CCDC93: variants seen among roughly 807,000 people sequenced by gnomAD.
CCDC93 encodes CCC complex scaffolding subunit CCDC93, also known as coiled-coil domain-containing protein 93.
In CCDC93, 61 loss-of-function variants were observed where a neutral mutation model predicts 108.2. The ratio of observed to expected loss-of-function variants is 0.56; its 90% CI spans 0.46 to 0.70. The LOEUF (loss-of-function observed/expected upper bound fraction) is 0.70, where lower values mean the gene tolerates loss of function less well. Among genes scored for constraint, CCDC93 ranks in the 30% least tolerant of loss-of-function variants. The pLI is 0.00. For synonymous variants in CCDC93, 276 were observed against 260.4 expected (o/e 1.06, Z -0.58); for missense variants, 685 against 764.2 (o/e 0.90, Z 1.22).
chr2:117,986,892 T>C (rs1023354691), intron 6 of CCDC93, among the ~76,000 whole-genome samples: 8 of 152,122 alleles, frequency 5.3e-5, no homozygotes, highest in African/African-American at 1.9e-4. Flanking sequence ...ATGCAAAATA[T>C]AATCAACCTA....
intron 7 of CCDC93, among the ~76,000 whole-genome samples, chr2:117,980,256 A>G (rs1680076625): frequency 6.6e-6 from 1 of 152,210 alleles, no homozygotes; most frequent in South Asian, 2.1e-4. Context: ...TGCTGAAACT[A>G]GTGGGAGGGT....
chr2:117,984,571 T>G (rs1386211459), intron 7 of CCDC93, among the ~76,000 whole-genome samples: 1 of 152,192 alleles, frequency 6.6e-6, no homozygotes, highest in Non-Finnish European at 1.5e-5. Context: ...TCTGTCAACA[T>G]GGTCTCAGCG....
At chr2:117,974,264 T>C (rs970346900) in intron 10 of CCDC93, among the ~76,000 whole-genome samples, 2 of 152,084 alleles carry the variant, frequency 1.3e-5, no homozygotes, top group African/African-American at 4.8e-5. Context: ...TTCCCTTCTA[T>C]GTACCACCCC....
chr2:117,939,000 A>G, intron 20 of CCDC93, 29 bp downstream of exon 20: 3 of 1,236,152 alleles, frequency 2.4e-6, no homozygotes, highest in Non-Finnish European at 2.4e-6. Flanking sequence ...TTAGCTGCTT[A>G]GCCATTTTCT....
Position 117,973,956 on chromosome 2 carries a change from T to A in CCDC93, c.840A>T (p.Gly280=), listed in dbSNP as rs556837097. The A allele has an allele frequency of 6.2e-7, 1 of 1,612,344 alleles. No homozygotes were observed. The highest frequency in any genetic ancestry group is 8.5e-7 in the Non-Finnish European group (1 of 1,179,306). The part of the protein sequence containing the change: ...LTASSVGQIV[G]LCSAEIKQIV... ...TCTGCTTGATCTCAGCAGAGCAGAG[T>A]CCCACAATCTGGCCCACGGAGCTTG... Residue 280 remains glycine, a synonymous_variant, in exon 11 of 24, where the codon GGA becomes GGT. Transcript: ENST00000376300.
intron 11 of CCDC93, among the ~76,000 whole-genome samples, chr2:117,964,703 ATCC>A (rs1418344621): frequency 1.3e-5 from 2 of 152,080 alleles, no homozygotes; most frequent in Non-Finnish European, 2.9e-5. Flanking sequence ...AGCTCAAGCA[ATCC>A]TCCTGCCTCT....
intron 6 of CCDC93, among the ~76,000 whole-genome samples, chr2:117,993,050 C>T (rs1366036612): frequency 3.3e-5 from 5 of 152,118 alleles, no homozygotes; most frequent in Admixed American, 6.5e-5. Flanking sequence ...ATTCTCTACC[C>T]AGGGCTCAGA....
At chr2:117,997,042 T>A (rs1007876050) in intron 4 of CCDC93, 1 of 152,198 alleles carries the variant, frequency 6.6e-6, no homozygotes, top group Non-Finnish European at 1.5e-5. Flanking sequence ...TACTCATGGA[T>A]CCATAGCTAG....
chr2:118,012,492 A>C (rs929313569), intron 1 of CCDC93: 5 of 152,176 alleles, frequency 3.3e-5, no homozygotes, highest in African/African-American at 1.2e-4. Flanking sequence ...TTTTCCCCCC[A>C]GAAAGACCTC....
chr2:117,958,549 C>T (rs1679290532), intron 11 of CCDC93, 68 bp from the exon 12 acceptor site: 1 of 939,478 alleles, frequency 1.1e-6, no homozygotes, highest in African/African-American at 1.6e-5. Context: ...TAATCAAGCC[C>T]TGTTCAATGT....
In CCDC93 at chr2:117,916,063, A is replaced by G. The variant is rs1405418800; in HGVS notation, c.*4280T>C. The G allele has an allele frequency of 6.6e-6, 1 of 152,246 alleles. No homozygotes were observed. Among genetic ancestry groups the G allele is most frequent in the Non-Finnish European group, 1.5e-5 (1 of 68,044 alleles). 9.4% of individuals were successfully genotyped at this position (152,246 alleles called of 1,614,324 possible). A position where few individuals can be genotyped will look rare whatever the true frequency, so the allele number is the denominator to read the frequency against. Reference sequence around the variant, plus strand: ...GTACACAGGTACAATTCTTAGGAGTAGCATTGCTAGTTCAAAGAGCTTATG... The same window carrying G: ...GTACACAGGTACAATTCTTAGGAGTGGCATTGCTAGTTCAAAGAGCTTATG... On this transcript the variant is annotated 3_prime_UTR_variant, in exon 24 of 24. Coordinates refer to ENST00000376300, the MANE Select transcript of CCDC93 (RefSeq NM_019044.5).
intron 11 of CCDC93, among the ~76,000 whole-genome samples, chr2:117,969,034 G>A (rs1020668828): frequency 6.6e-6 from 1 of 152,224 alleles, no homozygotes; most frequent in Non-Finnish European, 1.5e-5. Context: ...ACCTGCTGAT[G>A]TTCACACCTG....
chr2:117,985,464 A>G (rs1409814870), intron 7 of CCDC93: 2 of 967,710 alleles, frequency 2.1e-6, no homozygotes, highest in African/African-American at 1.8e-5. Context: ...AAAAAATTCA[A>G]TGGGGAGAAG....
chr2:118,006,944 G>C (rs1676887477), intron 2 of CCDC93, 128 bp from the exon 3 acceptor site: 1 of 629,162 alleles, frequency 1.6e-6, no homozygotes, highest in African/African-American at 1.8e-5. Context: ...TATCTTGAGA[G>C]AGAGAGTGTG....
rs896391427 is a variant in CCDC93, at chr2:117,915,717, G to A, written c.*4626C>T. Reference sequence around the variant, plus strand: ...CCGGGCTGCTAGATATCCTCCCAGAGACATCCTAGGCATATGCAGGTGGAC... The same window carrying A: ...CCGGGCTGCTAGATATCCTCCCAGAAACATCCTAGGCATATGCAGGTGGAC... On this transcript the variant is annotated 3_prime_UTR_variant, in exon 24 of 24. Transcript: ENST00000376300. 6.6e-6 allele frequency: 1 copy of A among 152,178 alleles called. No individual in the cohort carries two copies. The highest frequency in any genetic ancestry group is 1.5e-5 in the Non-Finnish European group (1 of 68,040). The allele number at this position is 152,178 out of a possible 1,614,324, so 9.4% of individuals were successfully genotyped here.
chr2:117,939,334 A>G (rs2104726818), intron 19 of CCDC93, among the ~76,000 whole-genome samples: 2 of 152,336 alleles, frequency 1.3e-5, no homozygotes, highest in East Asian at 3.9e-4. Context: ...GGTGACAGTG[A>G]GTACCCAAAG....
intron 7 of CCDC93, among the ~76,000 whole-genome samples, chr2:117,984,306 G>A (rs918037135): frequency 1.6e-4 from 24 of 152,130 alleles, no homozygotes; most frequent in Admixed American, 3.3e-4. Flanking sequence ...ACAGGAACCA[G>A]GATTGGTATC....
In CCDC93 at chr2:117,918,231, T is replaced by C. The variant is rs568168887; in HGVS notation, c.*2112A>G. ...AGAGTTGTCTGCAGCAAGTGTGAAA[T>C]TTGAGCTCAAACTGGCTTCTGTAGT... is the stretch of plus-strand genomic sequence containing the variant. On this transcript the variant is annotated 3_prime_UTR_variant, in exon 24 of 24. Coordinates refer to ENST00000376300, the MANE Select transcript of CCDC93 (RefSeq NM_019044.5). 6.6e-6 allele frequency: 1 copy of C among 152,028 alleles called. No individual in the cohort carries two copies. Among genetic ancestry groups the C allele is most frequent in the Non-Finnish European group, 1.5e-5 (1 of 68,026 alleles). The allele number at this position is 152,028 out of a possible 1,614,324, so 9.4% of individuals were successfully genotyped here. A position where few individuals can be genotyped will look rare whatever the true frequency, so the allele number is the denominator to read the frequency against.
At chr2:117,983,610 A>T (rs1680216969) in intron 7 of CCDC93, among the ~76,000 whole-genome samples, 1 of 150,660 alleles carries the variant, frequency 6.6e-6, no homozygotes. Flanking sequence ...TGTTTTCTAC[A>T]TTGAACAAAC....
Sources: gnomAD v4.1 joint callset for allele counts (sites outside exome capture counted in the v4.1 genomes callset) on GRCh38, gnomAD v4.1.1 for gene constraint, MANE v1.5 for transcripts, NCBI Gene and HGNC (gene_info 2026-07-23, HGNC 2026-07-21) for gene names.